FIBCD1: variants seen among roughly 807,000 people sequenced by gnomAD.
FIBCD1 encodes fibrinogen C domain containing 1.
Under a neutral mutation model 45.1 loss-of-function variants are expected in FIBCD1, and 47 were observed. The ratio of observed to expected loss-of-function variants is 1.04; its 90% confidence interval spans 0.82 to 1.33. FIBCD1 has a LOEUF of 1.33. FIBCD1 is among the 40% of genes most tolerant of loss of function. The pLI is 0.00. For missense variants in FIBCD1, 653 were observed against 682.2 expected (o/e 0.96, Z 0.48); for synonymous variants, 313 against 308.1 (o/e 1.02, Z -0.17).
In FIBCD1 at chr9:130,911,780, T is replaced by A; in HGVS notation, c.946+12A>T. On this transcript the variant is annotated intron_variant, in intron 5 of 6. Coordinates refer to ENST00000372338, the MANE Select transcript of FIBCD1 (RefSeq NM_032843.5). ...AGGCCCACCTGGGCCGGATGGTGGG[T>A]GGGGTGCTCACCTAGCCAGTGCTCC... is the stretch of plus-strand genomic sequence containing the variant. 6.3e-7 allele frequency: 1 copy of A among 1,588,280 alleles called. No individual in the cohort carries two copies. Among genetic ancestry groups the A allele is most frequent in the Non-Finnish European group, 8.6e-7 (1 of 1,168,568 alleles).
At chr9:130,931,372 G>A (rs751029998) in intron 1 of FIBCD1, among the ~76,000 whole-genome samples, 3 of 152,204 alleles carry the variant, frequency 2.0e-5, no homozygotes, top group Non-Finnish European at 2.9e-5. Flanking sequence ...GCTGGGCATG[G>A]TGGCACATGC....
rs372918822 is a variant in FIBCD1 at position 130,911,902 on chromosome 9, A to T, written c.850-14T>A. The stretch of plus-strand genomic sequence containing the variant: ...GCGCTGAAACACCTGCAAAGGGAAG[A>T]TGGGGATGGGGCGTTGGCACCGACC... On this transcript the variant is annotated splice_polypyrimidine_tract_variant and intron_variant, in intron 4 of 6. Coordinates refer to ENST00000372338, the MANE Select transcript of FIBCD1 (RefSeq NM_032843.5). 6.4e-7 allele frequency: 1 copy of T among 1,559,794 alleles called. No individual in the cohort carries two copies. Among genetic ancestry groups the T allele is most frequent in the Non-Finnish European group, 8.7e-7 (1 of 1,153,134 alleles).
chr9:130,915,656 C>T (rs1033180074), intron 4 of FIBCD1, among the ~76,000 whole-genome samples: 9 of 152,118 alleles, frequency 5.9e-5, no homozygotes, highest in Non-Finnish European at 8.8e-5. Context: ...GAGCCGAGAT[C>T]GCGCCACTGC....
chr9:130,924,889 T>A (rs1394529903), intron 2 of FIBCD1, among the ~76,000 whole-genome samples: 1 of 152,132 alleles, frequency 6.6e-6, no homozygotes, highest in Non-Finnish European at 1.5e-5. Context: ...TGACAACACA[T>A]GGGAGGTGCC....
In FIBCD1 at chr9:130,922,191, TAGTC is replaced by T. The variant is rs896872760; in HGVS notation, c.849+1549_849+1552del. ...GGCCTGGACATCAATACACCAAAAA[TAGTC>T]AGCACCAAGATCCCAGGCGAGATGC... On this transcript the variant is annotated intron_variant, in intron 4 of 6. Transcript: ENST00000372338. This position sits in a 1 kb window ranked among gnomAD's most constrained non-coding sequence, Gnocchi z 4.5. 1.1e-4 allele frequency among the ~76,000 whole-genome samples: 17 copies of T among 152,264 alleles called. No homozygotes were observed. Among genetic ancestry groups the T allele is most frequent in the Admixed American group, 6.5e-4 (10 of 15,300 alleles).
At chr9:130,918,749 G>A (rs1411729950) in intron 4 of FIBCD1, among the ~76,000 whole-genome samples, 1 of 152,214 alleles carries the variant, frequency 6.6e-6, no homozygotes, top group Non-Finnish European at 1.5e-5. Context: ...CCCCAGGGAG[G>A]CCTCTGGGCT....
At position 130,916,896 on chromosome 9, in the gene FIBCD1, G is replaced by A. The variant is rs1321717520; in HGVS notation, c.850-5008C>T. 2.6e-5 allele frequency among the ~76,000 whole-genome samples: 4 copies of A among 152,210 alleles called. No homozygotes were observed. In the South Asian group the frequency reaches 8.3e-4, roughly 32 times the overall value. ...GCACATCACTTGAGGTCAGGAGTTC[G>A]AGACCAGTCTGGCTAATATGGTGAA... On this transcript the variant is annotated intron_variant, in intron 4 of 6. Coordinates refer to ENST00000372338, the MANE Select transcript of FIBCD1 (RefSeq NM_032843.5).
intron 5 of FIBCD1, among the ~76,000 whole-genome samples, chr9:130,910,979 C>A (rs1474721326): frequency 2.0e-5 from 3 of 152,204 alleles, no homozygotes; most frequent in African/African-American, 7.2e-5. Flanking sequence ...CACCAATCAG[C>A]CCCCTGTCAA....
intron 5 of FIBCD1, among the ~76,000 whole-genome samples, chr9:130,906,697 C>A (rs59185003): frequency 0.022 from 3,304 of 152,324 alleles, 123 homozygotes; most frequent in African/African-American, 0.073. Context: ...AGGAGAGTGT[C>A]ATACACAAAA....
intron 5 of FIBCD1, among the ~76,000 whole-genome samples, chr9:130,906,081 G>C (rs907222151): frequency 6.6e-5 from 10 of 152,142 alleles, no homozygotes; most frequent in African/African-American, 2.4e-4. Context: ...ACCCAGCGCT[G>C]GCTTAGTGGA....
chr9:130,938,580 C>G lies in FIBCD1; in HGVS notation c.28G>C (p.Gly10Arg). 6.7e-7 allele frequency: 1 copy of G among 1,487,686 alleles called. No individual in the cohort carries two copies. Among genetic ancestry groups the G allele is most frequent in the Admixed American group, 2.2e-5 (1 of 44,624 alleles). The allele number at this position is 1,487,686 out of a possible 1,614,324, so 92.2% of individuals were successfully genotyped here. The part of the protein sequence containing the change: MVNDRWKTM[G>R]GAAQLEDRPR... ...CGGTCCTCAAGTTGGGCAGCGCCGC[C>G]CATGGTCTTCCACCGGTCGTTGACC... The change falls in exon 1 of 7, where the codon GGC becomes CGC. Residue 10 changes from glycine to arginine, a missense_variant. Transcript: ENST00000372338.
chr9:130,916,847 C>G (rs1387792589), intron 4 of FIBCD1, among the ~76,000 whole-genome samples: 2 of 152,248 alleles, frequency 1.3e-5, no homozygotes, highest in African/African-American at 4.8e-5. Flanking sequence ...CCTGTAATCC[C>G]AGCACTTTGG....
At chr9:130,907,530 G>A (rs1010288141) in intron 5 of FIBCD1, among the ~76,000 whole-genome samples, 14 of 152,316 alleles carry the variant, frequency 9.2e-5, no homozygotes, top group African/African-American at 3.1e-4. Context: ...AAACCACTAA[G>A]ACCCTAAACT....
chr9:130,911,404 G>A lies in FIBCD1; in HGVS notation c.946+388C>T, dbSNP rs112347300. 1.8e-3 allele frequency among the ~76,000 whole-genome samples: 272 copies of A among 152,272 alleles called. 2 individuals carry two copies. Among genetic ancestry groups the A allele is most frequent in the African/African-American group, 5.6e-3 (234 of 41,562 alleles). ...TGGGAGTTCCATGCCTGGTGTCCCT[G>A]GCACCCTTGGGCAGGGTGGGGCCGG... On this transcript the variant is annotated intron_variant, in intron 5 of 6. Transcript: ENST00000372338.
chr9:130,939,303 C>G (rs1832577039), upstream of FIBCD1: 1 of 152,180 alleles, frequency 6.6e-6, no homozygotes, highest in Admixed American at 6.5e-5. Flanking sequence ...CCTTCCGGCT[C>G]CCTCCCGGCT....
intron 4 of FIBCD1, among the ~76,000 whole-genome samples, chr9:130,923,270 G>C (rs1832292585): frequency 6.6e-6 from 1 of 152,186 alleles, no homozygotes. Context: ...GCAGGAATCA[G>C]ACAGCACTTG....
rs945459981 is a variant in FIBCD1 at position 130,917,772 on chromosome 9, G to A, written c.850-5884C>T. ...TTCCCCGCCACAGCCCTGGAGGGAC[G>A]ACTGGTGCTCCCATTAGGCAGATGA... On this transcript the variant is annotated intron_variant, in intron 4 of 6. Coordinates refer to ENST00000372338, the MANE Select transcript of FIBCD1 (RefSeq NM_032843.5). Among the ~76,000 whole-genome samples the A allele has an allele frequency of 9.2e-5, 14 of 152,188 alleles. 1 individual carries two copies. The South Asian group carries it at 1.7e-3, about 18-fold the overall frequency.
rs1564343185 is a variant in FIBCD1 at position 130,938,986 on chromosome 9, T to TC, written c.-380dup. On this transcript the variant is annotated 5_prime_UTR_variant, in exon 1 of 7. Coordinates refer to ENST00000372338, the MANE Select transcript of FIBCD1 (RefSeq NM_032843.5). ...TTGCTTTTTATTGCTCCCCTCGGCC[T>TC]CCCCCGACACACTCACACACACGCG... 6.6e-6 allele frequency: 1 copy of TC among 151,850 alleles called. No homozygotes were observed. The allele number at this position is 151,850 out of a possible 1,614,324, so 9.4% of individuals were successfully genotyped here.
rs1419622832 is a variant in FIBCD1, at chr9:130,923,782, C to T, written c.811G>A (p.Val271Met). 6.2e-7 allele frequency: 1 copy of T among 1,612,840 alleles called. No individual in the cohort carries two copies. The highest frequency in any genetic ancestry group is 1.3e-5 in the African/African-American group (1 of 75,034). Residue 271 changes from valine to methionine, a missense_variant, in exon 4 of 7, where the codon GTG (valine) becomes ATG (methionine). Physicochemically the swap from Val to Met is conservative, Grantham distance 21. Transcript: ENST00000372338. ...FPTHYPAGFQ[V>M]YCDMRTDGGG... is the part of the protein sequence containing the mutation. Reference sequence around the variant, plus strand: ...CCGTCCGTGCGCATGTCACAGTACACCTGGAAGCCGGCCGGGTAGTGGGTG... The same window carrying T: ...CCGTCCGTGCGCATGTCACAGTACATCTGGAAGCCGGCCGGGTAGTGGGTG...
Sources: allele counts gnomAD v4.1 joint callset (sites outside exome capture counted in the v4.1 genomes callset), GRCh38; gene constraint gnomAD v4.1.1; non-coding constraint Gnocchi (gnomAD v3.1); transcripts MANE v1.5; gene names NCBI Gene and HGNC (gene_info 2026-07-23, HGNC 2026-07-21).